DNAJC13: variants seen among roughly 807,000 people sequenced by gnomAD.
The protein encoded by DNAJC13 is DnaJ heat shock protein family (Hsp40) member C13, also known as dnaJ homolog subfamily C member 13.
In DNAJC13, 75 loss-of-function variants were observed where a neutral mutation model predicts 290.5. The observed-to-expected ratio is 0.26, with a 90% confidence interval of 0.21 to 0.31. The LOEUF (loss-of-function observed/expected upper bound fraction) is 0.31. Among genes scored for constraint, DNAJC13 ranks in the 10% least tolerant of loss-of-function variants. The pLI, the probability that DNAJC13 is intolerant of heterozygous loss-of-function variation, is 1.00. For missense variants in DNAJC13, 2,260 were observed against 2,674.5 expected, an observed-to-expected ratio of 0.85 and a Z score of 3.42; for synonymous variants, 862 against 892.0, an observed-to-expected ratio of 0.97 and a Z score of 0.60.
intron 1 of DNAJC13, among the ~76,000 whole-genome samples, chr3:132,429,022 G>T (rs570504494): frequency 6.6e-6 from 1 of 152,254 alleles, no homozygotes; most frequent in Admixed American, 6.5e-5. Context: ...CGTGAGCTAC[G>T]GCGCCCAGCC....
intron 20 of DNAJC13, among the ~76,000 whole-genome samples, chr3:132,468,233 G>C (rs1344268639): frequency 1.3e-5 from 2 of 152,188 alleles, no homozygotes; most frequent in Non-Finnish European, 2.9e-5. Context: ...TCCTGTAGAA[G>C]CAATCTTGAT....
intron 40 of DNAJC13, among the ~76,000 whole-genome samples, 170 bp from the exon 41 acceptor site, chr3:132,503,044 A>C (rs778152674): frequency 2.3e-4 from 35 of 152,196 alleles, no homozygotes; most frequent in Non-Finnish European, 5.0e-4. Flanking sequence ...AACAAGCCCC[A>C]ACACATAAAC....
intron 46 of DNAJC13, chr3:132,514,911 T>TATGATAC: frequency 8.2e-6 from 2 of 245,218 alleles, no homozygotes; most frequent in Non-Finnish European, 7.3e-6. Flanking sequence ...ACCTGGGATT[T>TATGATAC]TCAGTTTGTT....
chr3:132,514,738 T>G, intron 46 of DNAJC13, 68 bp downstream of exon 46: 1 of 1,142,422 alleles, frequency 8.8e-7, no homozygotes, highest in South Asian at 1.3e-5. Flanking sequence ...TGTTGCATAG[T>G]TGATACAAAA....
chr3:132,502,433 A>G lies in DNAJC13; in HGVS notation c.4681A>G (p.Ser1561Gly). Residue 1561 changes from serine to glycine, a missense_variant, in exon 40 of 56, where the codon AGT (serine) becomes GGT (glycine). By Grantham distance (56) the Ser-to-Gly change is moderately conservative (BLOSUM62 0). Coordinates refer to ENST00000260818, the MANE Select transcript of DNAJC13 (RefSeq NM_015268.4). Reference sequence around the variant, plus strand: ...TAATTATGACTACACACTAGAAGAGAGTGGCATTCAGAAAAGTGAAGAAAC... The same window carrying G: ...TAATTATGACTACACACTAGAAGAGGGTGGCATTCAGAAAAGTGAAGAAAC... Reference protein sequence around the residue: ...LFNYDYTLEESGIQKSEETNQ... With the variant: ...LFNYDYTLEEGGIQKSEETNQ... 6.2e-7 allele frequency: 1 copy of G among 1,609,634 alleles called. No individual in the cohort carries two copies. Among genetic ancestry groups the G allele is most frequent in the Non-Finnish European group, 8.5e-7 (1 of 1,178,290 alleles).
chr3:132,473,042 T>C (rs559515588), intron 20 of DNAJC13, 103 bp from the exon 21 acceptor site: 21 of 761,870 alleles, frequency 2.8e-5, no homozygotes, highest in Non-Finnish European at 3.3e-5. Flanking sequence ...CTGTCAAAAT[T>C]TGATGAAAGA....
rs773413775 is a variant in DNAJC13, at chr3:132,523,606, T to C, written c.5953T>C (p.Leu1985=). ...EGELAVGGVF[L]RIFIAQPAWV... is the part of the protein sequence containing the mutation. The stretch of plus-strand genomic sequence containing the variant: ...TGAACTTGCTGTTGGAGGAGTCTTC[T>C]TGAGGATCTTTATTGCACAACCAGC... The change falls in exon 51 of 56, where the codon TTG becomes CTG. Residue 1985 remains leucine, a synonymous_variant. Coordinates refer to ENST00000260818, the MANE Select transcript of DNAJC13 (RefSeq NM_015268.4). 11 of 1,614,016 alleles carry C rather than the reference T, an allele frequency of 6.8e-6. No homozygotes were observed. In the African/African-American group the frequency reaches 1.3e-4, roughly 20 times the overall value.
At chr3:132,488,729 GCTTT>G (rs1165375294) in intron 30 of DNAJC13, among the ~76,000 whole-genome samples, 1 of 151,876 alleles carries the variant, frequency 6.6e-6, no homozygotes, top group Non-Finnish European at 1.5e-5. Flanking sequence ...TTCACATTTT[GCTTT>G]CTTAAAGTTT....
chr3:132,530,415 A>G (rs1936384261), intron 54 of DNAJC13, among the ~76,000 whole-genome samples: 1 of 152,218 alleles, frequency 6.6e-6, no homozygotes, highest in Non-Finnish European at 1.5e-5. Context: ...AGTTTAGTGC[A>G]TATTCCCACA....
intron 50 of DNAJC13, 84 bp downstream of exon 50, chr3:132,523,283 A>G (rs531018419): frequency 8.2e-6 from 12 of 1,460,648 alleles, no homozygotes; most frequent in South Asian, 8.2e-5. Context: ...ATGCCGACCT[A>G]TAACTACTTT....
intron 51 of DNAJC13, chr3:132,524,139 T>C (rs1234112214): frequency 6.5e-6 from 1 of 154,010 alleles, no homozygotes; most frequent in African/African-American, 2.4e-5. Context: ...AGAAGAGTAG[T>C]AACTATGTGG....
At chr3:132,475,263 T>G (rs1248139793) in intron 22 of DNAJC13, among the ~76,000 whole-genome samples, 178 bp downstream of exon 22, 2 of 152,176 alleles carry the variant, frequency 1.3e-5, no homozygotes, top group African/African-American at 4.8e-5. Context: ...ATAAAAAAAT[T>G]TTGTTTAGTA....
intron 1 of DNAJC13, among the ~76,000 whole-genome samples, chr3:132,428,225 A>G (rs907312973): frequency 6.6e-6 from 1 of 152,208 alleles, no homozygotes; most frequent in African/African-American, 2.4e-5. Context: ...ATCTTTGTGC[A>G]TTGCCATTAC....
intron 36 of DNAJC13, among the ~76,000 whole-genome samples, chr3:132,497,382 A>T (rs779941479): frequency 2.0e-5 from 3 of 152,168 alleles, no homozygotes; most frequent in African/African-American, 4.8e-5. Context: ...GACTTACAGC[A>T]CAAAGTGGGA....
chr3:132,484,737 A>G (rs1239815130), intron 29 of DNAJC13, 65 bp downstream of exon 29: 2 of 1,427,742 alleles, frequency 1.4e-6, no homozygotes, highest in Admixed American at 1.7e-5. Context: ...TATTATCAGT[A>G]CCAGTCTTTG....
Position 132,460,255 on chromosome 3 carries a change from G to A in DNAJC13, c.1455G>A (p.Met485Ile). 1.3e-6 allele frequency: 2 copies of A among 1,594,210 alleles called. No homozygotes were observed. Among genetic ancestry groups the A allele is most frequent in the Non-Finnish European group, 1.7e-6 (2 of 1,166,614 alleles). The change falls in exon 14 of 56, where the codon ATG becomes ATA. Residue 485 changes from methionine to isoleucine, a missense_variant. This residue lies in a region of DNAJC13 where 762 missense variants were observed against 964.1 expected (regional missense o/e 0.79). Transcript: ENST00000260818. ...TTTTTTTTTTTCATCAATAGCCCAT[G>A]CATGATGACTATGACTTAAGACAAG... ...VDMLCALMCP[M>I]HDDYDLRQEQ...
chr3:132,469,088 C>T (rs1934097833), intron 20 of DNAJC13, among the ~76,000 whole-genome samples: 1 of 152,164 alleles, frequency 6.6e-6, no homozygotes, highest in Admixed American at 6.5e-5. Flanking sequence ...AAGTTTTGAG[C>T]AAATAATGAT....
chr3:132,530,270 C>G (rs1479933171), intron 54 of DNAJC13, among the ~76,000 whole-genome samples: 1 of 152,168 alleles, frequency 6.6e-6, no homozygotes, highest in East Asian at 1.9e-4. Flanking sequence ...GTCTGTCTTT[C>G]TCATCTTTGT....
At chr3:132,479,555 A>G (rs1273387924) in intron 25 of DNAJC13, among the ~76,000 whole-genome samples, 1 of 152,194 alleles carries the variant, frequency 6.6e-6, no homozygotes, top group Non-Finnish European at 1.5e-5. Flanking sequence ...ATACATTAAA[A>G]TGATTTTTAA....
Sources: gnomAD v4.1 joint callset for allele counts (sites outside exome capture counted in the v4.1 genomes callset) on GRCh38, gnomAD v4.1.1 for gene constraint, gnomAD v4.1.1 regional missense constraint, MANE v1.5 for transcripts, NCBI Gene and HGNC (gene_info 2026-07-23, HGNC 2026-07-21) for gene names.